Variants in SEL1L2 observed in about 807,000 individuals in gnomAD.
SEL1L2 encodes the protein protein sel-1 homolog 2.
In SEL1L2, 89 loss-of-function variants were observed where a neutral mutation model predicts 98.8. That is an observed-to-expected ratio of 0.90 (90% confidence interval 0.76 to 1.07). The LOEUF (loss-of-function observed/expected upper bound fraction) is 1.07, where lower values mean the gene tolerates loss of function less well. Among genes scored for constraint, SEL1L2 ranks in the 50% least tolerant of loss-of-function variants. The probability of loss-of-function intolerance (pLI) is 0.00; values close to 1 mark genes in which losing one functional copy is unlikely to be tolerated. For synonymous variants in SEL1L2, 262 were observed against 278.5 expected (o/e 0.94, Z 0.59); for missense variants, 788 against 812.0 (o/e 0.97, Z 0.36).
chr20:13,934,023 G>A (rs2049281999), intron 2 of SEL1L2, among the ~76,000 whole-genome samples: 2 of 147,910 alleles, frequency 1.4e-5, no homozygotes, highest in Non-Finnish European at 3.0e-5. Context: ...TGTTACATGA[G>A]TAAGTTCTTT....
At position 13,884,764 on chromosome 20, in the gene SEL1L2, C is replaced by T. The variant is rs377686265; in HGVS notation, c.957+583G>A. Among the ~76,000 whole-genome samples the T allele has an allele frequency of 5.3e-4, 80 of 152,296 alleles. No individual in the cohort carries two copies. The East Asian group carries it at 0.013, about 25-fold the overall frequency. ...TCTCGTGATCCGCCTGCCTCAGCCT[C>T]CCAAAGTGCTGAGATTACAGGCATG... On this transcript the variant is annotated intron_variant, in intron 10 of 19. Transcript: ENST00000284951.
chr20:13,865,351 G>A lies in SEL1L2; in HGVS notation c.1568C>T (p.Ser523Phe), dbSNP rs754816273. 5.6e-6 allele frequency: 9 copies of A among 1,613,902 alleles called. No homozygotes were observed. In the South Asian group the frequency reaches 9.9e-5, roughly 18 times the overall value. Residue 523 changes from serine to phenylalanine, a missense_variant and splice_region_variant, in exon 16 of 20, where the codon TCT (serine) becomes TTT (phenylalanine). Transcript: ENST00000284951. ...CAGAGAATTTTAACTCATCTTACTA[G>A]ATTCCAAAATGAATGCTGAATTGCT... Reference protein sequence around the residue: ...AQSNSAFILESKKANILEKEK... With the variant: ...AQSNSAFILEFKKANILEKEK...
At position 13,897,035 on chromosome 20, in the gene SEL1L2, C is replaced by T. The variant is rs146600654; in HGVS notation, c.550-8523G>A. On this transcript the variant is annotated intron_variant, in intron 5 of 19. Transcript: ENST00000284951. ...TCTACAAACCTACAGTAGTCAAAAT[C>T]GTGTAGTACTGGTATAAAGACAGAC... 2.0e-3 allele frequency among the ~76,000 whole-genome samples: 300 copies of T among 152,212 alleles called. 2 individuals carry two copies. Among genetic ancestry groups the T allele is most frequent in the Non-Finnish European group, 1.0e-3 (70 of 68,010 alleles).
chr20:13,985,050 C>T (rs2052093529), intron 1 of SEL1L2, among the ~76,000 whole-genome samples: 1 of 152,018 alleles, frequency 6.6e-6, no homozygotes, highest in Admixed American at 6.6e-5. Flanking sequence ...ACTTATTCCT[C>T]CTATTTAGCT....
intron 1 of SEL1L2, among the ~76,000 whole-genome samples, chr20:13,958,993 C>T (rs1011009764): frequency 5.3e-5 from 8 of 151,376 alleles, no homozygotes; most frequent in African/African-American, 1.7e-4. Context: ...GGGCGGCCAT[C>T]GGAAATTGAC....
intron 1 of SEL1L2, among the ~76,000 whole-genome samples, chr20:13,990,198 A>T (rs920254076): frequency 6.6e-6 from 1 of 152,112 alleles, no homozygotes; most frequent in East Asian, 1.9e-4. Context: ...AAATATCCCT[A>T]CTTTATAACA....
At chr20:13,911,094 T>C (rs1166478766) in intron 5 of SEL1L2, among the ~76,000 whole-genome samples, 7 of 152,238 alleles carry the variant, frequency 4.6e-5, no homozygotes, top group Non-Finnish European at 8.8e-5. Context: ...ACTTCTTCCT[T>C]GAAACATTCT....
intron 6 of SEL1L2, 119 bp downstream of exon 6, chr20:13,888,340 A>G: frequency 1.4e-6 from 1 of 711,214 alleles, no homozygotes; most frequent in Non-Finnish European, 2.4e-6. Context: ...TTTGACTATT[A>G]AGTTGGTGTT....
chr20:13,933,380 A>C (rs1488475480), intron 2 of SEL1L2, among the ~76,000 whole-genome samples: 1 of 152,090 alleles, frequency 6.6e-6, no homozygotes, highest in Admixed American at 6.6e-5. Context: ...TATCACCTTA[A>C]GAAAAAACCA....
chr20:13,902,576 C>T (rs1481480357), intron 5 of SEL1L2, among the ~76,000 whole-genome samples: 1 of 152,090 alleles, frequency 6.6e-6, no homozygotes, highest in Non-Finnish European at 1.5e-5. Context: ...ATCCTCCATC[C>T]CTTGGTCATG....
chr20:13,884,472 G>A (rs1278357700), intron 10 of SEL1L2, among the ~76,000 whole-genome samples: 12 of 151,960 alleles, frequency 7.9e-5, no homozygotes, highest in Admixed American at 3.3e-4. Context: ...TTTTTTCTTC[G>A]CTACACATTT....
intron 4 of SEL1L2, among the ~76,000 whole-genome samples, chr20:13,917,298 C>A (rs142983956): frequency 9.4e-4 from 143 of 152,236 alleles, no homozygotes; most frequent in African/African-American, 3.2e-3. Flanking sequence ...TGATTTTACC[C>A]CTTCCTCATT....
chr20:13,871,801 C>T (rs924155228), intron 12 of SEL1L2, among the ~76,000 whole-genome samples: 8 of 152,082 alleles, frequency 5.3e-5, no homozygotes, highest in African/African-American at 1.4e-4. Flanking sequence ...CGTGAGACAC[C>T]GCACCCTGCC....
rs2046958423 is a variant in SEL1L2, at chr20:13,886,407, C to A, written c.781G>T (p.Val261Leu). Residue 261 changes from valine to leucine, a missense_variant, in exon 9 of 20, where the codon GTG becomes TTG. By Grantham distance (32) the Val-to-Leu change is conservative. Transcript: ENST00000284951. ...CTTTCCGTTAGTCTCACTTTTTCCA[C>A]TGGAACACCTTCACTTTTTTCAAAT... is the stretch of plus-strand genomic sequence containing the variant. ...DTFEKSEGVP[V>L]EKVRLTERPE... The A allele has an allele frequency of 6.2e-7, 1 of 1,613,868 alleles. No individual in the cohort carries two copies. Among genetic ancestry groups the A allele is most frequent in the Non-Finnish European group, 8.5e-7 (1 of 1,180,002 alleles).
intron 1 of SEL1L2, among the ~76,000 whole-genome samples, chr20:13,961,666 T>C (rs375732166): frequency 2.0e-5 from 3 of 152,150 alleles, no homozygotes; most frequent in Non-Finnish European, 2.9e-5. Flanking sequence ...GTCACAAACA[T>C]GGGCCATTTC....
intron 5 of SEL1L2, among the ~76,000 whole-genome samples, chr20:13,903,262 T>TC (rs1239804397): frequency 1.3e-5 from 2 of 152,240 alleles, no homozygotes; most frequent in Non-Finnish European, 2.9e-5. Context: ...TTTAGATATT[T>TC]CACACATTAT....
chr20:13,987,584 G>A (rs1008520172), intron 1 of SEL1L2, among the ~76,000 whole-genome samples: 2 of 151,956 alleles, frequency 1.3e-5, no homozygotes, highest in South Asian at 2.1e-4. Context: ...TCTTGACCTC[G>A]TGATCCACCT....
intron 5 of SEL1L2, among the ~76,000 whole-genome samples, chr20:13,889,875 C>T (rs1286582973): frequency 6.6e-6 from 1 of 152,132 alleles, no homozygotes. Flanking sequence ...GTAAAATATT[C>T]AAACAATAAC....
intron 1 of SEL1L2, among the ~76,000 whole-genome samples, chr20:13,966,886 T>C (rs1036792195): frequency 8.2e-5 from 12 of 145,604 alleles, no homozygotes; most frequent in African/African-American, 3.0e-4. Context: ...TGTCTTTTTT[T>C]TTTTTTTTTT....
Sources: allele counts gnomAD v4.1 joint callset (sites outside exome capture counted in the v4.1 genomes callset), GRCh38; gene constraint gnomAD v4.1.1; transcripts MANE v1.5; gene names NCBI Gene and HGNC (gene_info 2026-07-23, HGNC 2026-07-21).